AGAP1: variants seen among roughly 807,000 people sequenced by gnomAD.
AGAP1 encodes the protein ArfGAP with GTPase domain, ankyrin repeat and PH domain 1, also known as arf-GAP with GTPase, ANK repeat and PH domain-containing protein 1.
AGAP1 carries 29 observed loss-of-function variants against 105.3 expected under a neutral mutation model. The ratio of observed to expected loss-of-function variants is 0.28; its 90% CI spans 0.21 to 0.38. The LOEUF (loss-of-function observed/expected upper bound fraction) is 0.38, where lower values mean the gene tolerates loss of function less well. Among genes scored for constraint, AGAP1 ranks in the 10% least tolerant of loss-of-function variants. The pLI is 1.00. For synonymous variants in AGAP1, 509 were observed against 485.9 expected (o/e 1.05, Z -0.63); for missense variants, 998 against 1,165.1 (o/e 0.86, Z 2.09).
chr2:235,576,692 C>G (rs1405209244), intron 1 of AGAP1, among the ~76,000 whole-genome samples: 3 of 152,222 alleles, frequency 2.0e-5, no homozygotes, highest in Non-Finnish European at 4.4e-5. Context: ...GAGGGGGATG[C>G]CTTGGCCTGG....
intron 1 of AGAP1, among the ~76,000 whole-genome samples, chr2:235,593,769 G>A (rs773920787): frequency 9.2e-5 from 14 of 152,082 alleles, no homozygotes; most frequent in Non-Finnish European, 1.8e-4. Context: ...TTCAAGACCA[G>A]CCCGGGCAAC....
At chr2:235,827,826 G>A (rs999567314) in intron 9 of AGAP1, among the ~76,000 whole-genome samples, 2 of 152,226 alleles carry the variant, frequency 1.3e-5, no homozygotes, top group African/African-American at 4.8e-5. Context: ...TTTCAGGGGT[G>A]GCTGCCTTCA....
At chr2:235,707,163 CTT>C (rs1373605209) in intron 1 of AGAP1, among the ~76,000 whole-genome samples, 2 of 152,224 alleles carry the variant, frequency 1.3e-5, no homozygotes, top group Non-Finnish European at 2.9e-5. Flanking sequence ...GACTGGAAGT[CTT>C]TGCGGGCAGT....
intron 1 of AGAP1, among the ~76,000 whole-genome samples, chr2:235,529,521 G>A (rs564805959): frequency 6.6e-6 from 1 of 152,266 alleles, no homozygotes; most frequent in Admixed American, 6.5e-5. Context: ...TGTGGGACAG[G>A]GGACAGCTGT....
intron 1 of AGAP1, among the ~76,000 whole-genome samples, chr2:235,498,699 C>T (rs1941430420): frequency 6.6e-6 from 1 of 152,228 alleles, no homozygotes; most frequent in Admixed American, 6.5e-5. Flanking sequence ...GATAGCCCAG[C>T]CAGCTCATTC....
At chr2:235,943,528 T>C (rs1401525764) in intron 12 of AGAP1, among the ~76,000 whole-genome samples, 1 of 152,152 alleles carries the variant, frequency 6.6e-6, no homozygotes, top group Non-Finnish European at 1.5e-5. Context: ...TTTTGTATTT[T>C]TAGTAGAGAC....
rs2052678069 is a variant in AGAP1 at position 235,930,671 on chromosome 2, C to G, written c.1325-94C>G. On this transcript the variant is annotated intron_variant, in intron 11 of 17. Transcript: ENST00000304032. The surrounding 1 kb of genome is among the most constrained non-coding windows in gnomAD (Gnocchi z 7.9). ...GGGCTGCTCTCGGTGGTAAGGTGCA[C>G]TATGTGCCAGCGTGTGGGTCCCATA... 5 of 1,332,964 alleles carry G rather than the reference C, an allele frequency of 3.8e-6. No individual in the cohort carries two copies. In the Admixed American group the frequency reaches 8.2e-5, roughly 22 times the overall value. The allele number at this position is 1,332,964 out of a possible 1,614,324, so 82.6% of individuals were successfully genotyped here.
intron 1 of AGAP1, among the ~76,000 whole-genome samples, chr2:235,585,044 A>G (rs569813634): frequency 2.0e-5 from 3 of 146,972 alleles, no homozygotes; most frequent in Admixed American, 6.8e-5. Flanking sequence ...TCTGAGAGAG[A>G]CTCTTGTGGA....
chr2:236,010,098 G>T (rs1218128787), intron 13 of AGAP1, among the ~76,000 whole-genome samples: 22 of 149,606 alleles, frequency 1.5e-4, no homozygotes, highest in Admixed American at 1.2e-3. Context: ...AAGTTTTCAG[G>T]CATTCACATG....
chr2:235,952,227 C>T (rs995363827), intron 12 of AGAP1, among the ~76,000 whole-genome samples: 2 of 152,062 alleles, frequency 1.3e-5, no homozygotes, highest in African/African-American at 4.8e-5. Context: ...GAACCGCAGC[C>T]TCAGAATCTA....
rs560426175 is a variant in AGAP1 at position 235,577,583 on chromosome 2, C to A, written c.163+82734C>A. ...TGGGAGCTGAGAGTCCCTTGCTGCC[C>A]GGAGCATGGCTGTGTGGCTGCCTGA... is the stretch of plus-strand genomic sequence containing the variant. On this transcript the variant is annotated intron_variant, in intron 1 of 17. Coordinates refer to ENST00000304032, the MANE Select transcript of AGAP1 (RefSeq NM_001037131.3). The surrounding 1 kb of genome is among the most constrained non-coding windows in gnomAD (Gnocchi z 4.5). Among the ~76,000 whole-genome samples, 2 of 152,052 alleles carry A rather than the reference C, an allele frequency of 1.3e-5. No individual in the cohort carries two copies. The highest frequency in any genetic ancestry group is 2.9e-5 in the Non-Finnish European group (2 of 68,030).
intron 9 of AGAP1, among the ~76,000 whole-genome samples, chr2:235,854,674 C>T (rs2048611371): frequency 6.6e-6 from 1 of 152,322 alleles, no homozygotes; most frequent in Admixed American, 6.5e-5. Context: ...TCTTACTCTC[C>T]GAGCTTGACT....
rs1340962970 is a variant in AGAP1, at chr2:235,970,485, T to C, written c.1645+1862T>C. Reference sequence around the variant, plus strand: ...CCCCCAGGGTGGGCAGCCTGTACCCTCCACGCCCCTAAGGTGCACACACAG... The same window carrying C: ...CCCCCAGGGTGGGCAGCCTGTACCCCCCACGCCCCTAAGGTGCACACACAG... On this transcript the variant is annotated intron_variant, in intron 13 of 17. Coordinates refer to ENST00000304032, the MANE Select transcript of AGAP1 (RefSeq NM_001037131.3). The surrounding 1 kb of genome is among the most constrained non-coding windows in gnomAD (Gnocchi z 5.4). Among the ~76,000 whole-genome samples the C allele has an allele frequency of 6.6e-6, 1 of 152,048 alleles. No individual in the cohort carries two copies. The highest frequency in any genetic ancestry group is 1.5e-5 in the Non-Finnish European group (1 of 68,002).
intron 6 of AGAP1, among the ~76,000 whole-genome samples, chr2:235,790,867 G>A (rs193230765): frequency 6.6e-5 from 10 of 152,322 alleles, no homozygotes; most frequent in Non-Finnish European, 1.2e-4. Context: ...CTTGGAACAT[G>A]GGCTGACTGT....
In AGAP1 at chr2:236,083,844, C is replaced by T. The variant is rs952078338; in HGVS notation, c.2114+34563C>T. Among the ~76,000 whole-genome samples, 2 of 151,894 alleles carry T rather than the reference C, an allele frequency of 1.3e-5. No individual in the cohort carries two copies. The highest frequency in any genetic ancestry group is 2.4e-5 in the African/African-American group (1 of 41,336). ...TCTGAGATCCCATTCGATGCTCTGC[C>T]CTCAATTAAATGAATCCGAGATAAA... On this transcript the variant is annotated intron_variant, in intron 16 of 17. Coordinates refer to ENST00000304032, the MANE Select transcript of AGAP1 (RefSeq NM_001037131.3). The surrounding 1 kb of genome is among the most constrained non-coding windows in gnomAD (Gnocchi z 5.3).
Position 236,124,438 on chromosome 2 carries a change from G to A in AGAP1, c.*316G>A, listed in dbSNP as rs2059971886. ...AGGACCCTTGTCCTGGTGGCACAAG[G>A]GATGGGGACGCGAGGGGGAGGGGAG... is the stretch of plus-strand genomic sequence containing the variant. On this transcript the variant is annotated 3_prime_UTR_variant, in exon 18 of 18. Coordinates refer to ENST00000304032, the MANE Select transcript of AGAP1 (RefSeq NM_001037131.3). The surrounding 1 kb of genome is among the most constrained non-coding windows in gnomAD (Gnocchi z 5.1). 5.4e-6 allele frequency: 2 copies of A among 371,604 alleles called. No individual in the cohort carries two copies. Among genetic ancestry groups the A allele is most frequent in the Admixed American group, 4.1e-5 (1 of 24,278 alleles). 23.0% of individuals were successfully genotyped at this position (371,604 alleles called of 1,614,324 possible). A position where few individuals can be genotyped will look rare whatever the true frequency, so the allele number is the denominator to read the frequency against.
chr2:236,082,524 T>C lies in AGAP1; in HGVS notation c.2114+33243T>C, dbSNP rs1201206975. ...AAAGGAAGATGGTTCCCAAAAGGCC[T>C]ATCAGGGGCAAACAGCTCACCTGCA... On this transcript the variant is annotated intron_variant, in intron 16 of 17. Transcript: ENST00000304032. This position sits in a 1 kb window ranked among gnomAD's most constrained non-coding sequence, Gnocchi z 4.2. 6.6e-6 allele frequency among the ~76,000 whole-genome samples: 1 copy of C among 152,180 alleles called. No homozygotes were observed. The highest frequency in any genetic ancestry group is 6.5e-5 in the Admixed American group (1 of 15,278).
At chr2:236,034,930 C>T (rs1483017786) in intron 13 of AGAP1, among the ~76,000 whole-genome samples, 1 of 152,158 alleles carries the variant, frequency 6.6e-6, no homozygotes, top group Non-Finnish European at 1.5e-5. Flanking sequence ...CATCACTGGG[C>T]TGCTCAGGTG....
At chr2:236,085,367 C>T (rs1301300097) in intron 16 of AGAP1, among the ~76,000 whole-genome samples, 2 of 152,190 alleles carry the variant, frequency 1.3e-5, no homozygotes, top group Admixed American at 6.5e-5. Flanking sequence ...TTTGTTGCTG[C>T]AGCTCTCCCC....
Sources: gnomAD v4.1 joint callset for allele counts (sites outside exome capture counted in the v4.1 genomes callset) on GRCh38, gnomAD v4.1.1 for gene constraint, Gnocchi (gnomAD v3.1) non-coding constraint, MANE v1.5 for transcripts, NCBI Gene and HGNC (gene_info 2026-07-23, HGNC 2026-07-21) for gene names.